Variants in ZNF585A observed in about 807,000 individuals in gnomAD.
ZNF585A encodes the protein zinc finger protein 585A.
In ZNF585A, 9 loss-of-function variants were observed where a neutral mutation model predicts 14.9. The observed-to-expected ratio is 0.60, with a 90% CI of 0.36 to 1.05. ZNF585A has a LOEUF of 1.05. Ranked by LOEUF, ZNF585A falls within the 50% of genes least tolerant of loss-of-function variation. ZNF585A has a pLI of 0.01. For synonymous variants in ZNF585A, 276 were observed against 319.9 expected (o/e 0.86, Z 1.46); for missense variants, 726 against 926.4 (o/e 0.78, Z 2.81).
chr19:37,169,824 A>T lies in ZNF585A; in HGVS notation c.72+15T>A. ...TGGATTGAATTCCCACCCCCCTGGGACTCCTCCTTCTCACCTCATAGGAGC... is the reference window on the plus strand; with the variant it reads ...TGGATTGAATTCCCACCCCCCTGGGTCTCCTCCTTCTCACCTCATAGGAGC... On this transcript the variant is annotated intron_variant, in intron 2 of 4. Transcript: ENST00000292841. 2 of 1,610,106 alleles carry T rather than the reference A, an allele frequency of 1.2e-6. No individual in the cohort carries two copies. The highest frequency in any genetic ancestry group is 1.7e-6 in the Non-Finnish European group (2 of 1,179,894).
chr19:37,151,580 C>T lies in ZNF585A; in HGVS notation c.*9G>A. On this transcript the variant is annotated 3_prime_UTR_variant, in exon 5 of 5. Coordinates refer to ENST00000292841, the MANE Select transcript of ZNF585A (RefSeq NM_001288800.2). ...CAACCCTCAGGGGGGTTTTCTCACA[C>T]TGTTTCTCTCAAGCGTGGCTGCTCT... 6.2e-7 allele frequency: 1 copy of T among 1,603,664 alleles called. No individual in the cohort carries two copies. Among genetic ancestry groups the T allele is most frequent in the African/African-American group, 1.3e-5 (1 of 74,898 alleles).
intron 2 of ZNF585A, among the ~76,000 whole-genome samples, chr19:37,157,651 G>A (rs1971951626): frequency 6.6e-6 from 1 of 152,018 alleles, no homozygotes; most frequent in Admixed American, 6.6e-5. Context: ...GAAAAGACAA[G>A]AATAAAAGGT....
chr19:37,146,884 T>C lies in ZNF585A; in HGVS notation c.*4705A>G, dbSNP rs2145389605. On this transcript the variant is annotated 3_prime_UTR_variant, in exon 5 of 5. Coordinates refer to ENST00000292841, the MANE Select transcript of ZNF585A (RefSeq NM_001288800.2). ...AGTTAGAGCTGGGTGTGCTGGACCA[T>C]GGTGGGAGGAGGCATTAAATCTTGA... The C allele has an allele frequency of 6.5e-6, 1 of 152,830 alleles. No homozygotes were observed. Among genetic ancestry groups the C allele is most frequent in the South Asian group, 2.1e-4 (1 of 4,838 alleles). The allele number at this position is 152,830 out of a possible 1,614,324, so 9.5% of individuals were successfully genotyped here.
In ZNF585A at chr19:37,151,715, A is replaced by C. The variant is rs1278459299; in HGVS notation, c.2184T>G (p.Thr728=). 1.2e-6 allele frequency: 2 copies of C among 1,613,804 alleles called. No homozygotes were observed. Among genetic ancestry groups the C allele is most frequent in the Non-Finnish European group, 1.7e-6 (2 of 1,179,820 alleles). ...GATGTTTATTCAAATTGGACCTGTCAGTAAAGGCCTTCCCACACTCAGCAC... is the reference window on the plus strand; with the variant it reads ...GATGTTTATTCAAATTGGACCTGTCCGTAAAGGCCTTCCCACACTCAGCAC... ...YVCAECGKAF[T]DRSNLNKHQT... is the part of the protein sequence containing the mutation. The change falls in exon 5 of 5, where the codon ACT becomes ACG. Residue 728 remains threonine (T), a synonymous_variant. Coordinates refer to ENST00000292841, the MANE Select transcript of ZNF585A (RefSeq NM_001288800.2).
At chr19:37,170,321 C>G (rs1013643799) in intron 1 of ZNF585A, among the ~76,000 whole-genome samples, 3 of 152,196 alleles carry the variant, frequency 2.0e-5, no homozygotes, top group Admixed American at 6.5e-5. Context: ...GCTGTCAGTA[C>G]AGGGACCACA....
intron 2 of ZNF585A, among the ~76,000 whole-genome samples, chr19:37,169,265 A>G (rs1972143686): frequency 6.6e-6 from 1 of 152,138 alleles, no homozygotes; most frequent in Non-Finnish European, 1.5e-5. Context: ...AATAAATTAC[A>G]GTTATTAAAA....
Position 37,150,942 on chromosome 19 carries a change from TG to T in ZNF585A, c.*646del, listed in dbSNP as rs1356198526. 1 of 155,914 alleles carries T rather than the reference TG, an allele frequency of 6.4e-6. No homozygotes were observed. Among genetic ancestry groups the T allele is most frequent in the African/African-American group, 2.4e-5 (1 of 41,038 alleles). 9.7% of individuals were successfully genotyped at this position (155,914 alleles called of 1,614,324 possible). A position where few individuals can be genotyped will look rare whatever the true frequency, so the allele number is the denominator to read the frequency against. The stretch of plus-strand genomic sequence containing the variant: ...GCTGAGAGACAGTCATGGTAGATAA[TG>T]AGGGGGGTGCAAGTCTTGGTAGATG... On this transcript the variant is annotated 3_prime_UTR_variant, in exon 5 of 5. Transcript: ENST00000292841.
intron 4 of ZNF585A, among the ~76,000 whole-genome samples, chr19:37,155,520 TG>T (rs1231031692): frequency 3.3e-5 from 5 of 151,874 alleles, no homozygotes; most frequent in Admixed American, 6.6e-5. Context: ...GCATGGTGGC[TG>T]GCAAACACCT....
At position 37,152,058 on chromosome 19, in the gene ZNF585A, G is replaced by C; in HGVS notation, c.1841C>G (p.Ser614Cys). The C allele has an allele frequency of 6.3e-7, 1 of 1,594,346 alleles. No homozygotes were observed. The highest frequency in any genetic ancestry group is 1.1e-5 in the South Asian group (1 of 89,396). Residue 614 changes from serine (S) to cysteine (C), a missense_variant, in exon 5 of 5, where the codon TCC (serine) becomes TGC (cysteine). Physicochemically the swap from Ser to Cys is moderately radical, Grantham distance 112. Transcript: ENST00000292841. ...CAGGAGCTGAGACTTGGAGGTAAAG[G>C]ACTTCCCACAGTCACTGCATTCATA... ...KPYECSDCGK[S>C]FTSKSQLLVH...
At chr19:37,164,920 G>T (rs920693279) in intron 2 of ZNF585A, among the ~76,000 whole-genome samples, 5 of 152,124 alleles carry the variant, frequency 3.3e-5, no homozygotes, top group African/African-American at 1.2e-4. Flanking sequence ...CAATCCTCCC[G>T]CCTCAGTCTC....
chr19:37,166,692 C>G (rs1972096491), intron 2 of ZNF585A, among the ~76,000 whole-genome samples: 1 of 144,954 alleles, frequency 6.9e-6, no homozygotes, highest in Admixed American at 6.7e-5. Context: ...TTTTGATTGT[C>G]AACACATCAA....
chr19:37,159,384 T>C (rs558102855), intron 2 of ZNF585A, among the ~76,000 whole-genome samples: 16 of 152,330 alleles, frequency 1.1e-4, no homozygotes, highest in African/African-American at 3.6e-4. Flanking sequence ...AAAATGCTTT[T>C]TGAAAACAAA....
At chr19:37,165,815 T>G (rs1187249872) in intron 2 of ZNF585A, 2 of 183,824 alleles carry the variant, frequency 1.1e-5, no homozygotes, top group Non-Finnish European at 1.0e-5. Context: ...TTCCATTATT[T>G]TTTACTGTGT....
intron 4 of ZNF585A, among the ~76,000 whole-genome samples, 165 bp downstream of exon 4, chr19:37,155,700 G>C (rs1182285328): frequency 6.6e-6 from 1 of 152,068 alleles, no homozygotes; most frequent in African/African-American, 2.4e-5. Context: ...CAGGGAGAAT[G>C]CATTTAGTGA....
chr19:37,153,556 G>GT lies in ZNF585A; in HGVS notation c.342dup (p.Gln115ThrfsTer17), dbSNP rs1971876121. 1 of 1,613,764 alleles carries GT rather than the reference G, an allele frequency of 6.2e-7. No individual in the cohort carries two copies. Among genetic ancestry groups the GT allele is most frequent in the Non-Finnish European group, 8.5e-7 (1 of 1,179,934 alleles). The stretch of plus-strand genomic sequence containing the variant: ...ATTTTTTGAGGTTGAGAGGATACTT[G>GT]TTTATAACTGAGGATTTTTCTACAT... On this transcript the variant is annotated frameshift_variant, in exon 5 of 5. Transcript: ENST00000292841. LOFTEE classifies it low-confidence loss of function (END_TRUNC).
chr19:37,169,024 A>G (rs1972140145), intron 2 of ZNF585A, among the ~76,000 whole-genome samples: 2 of 152,218 alleles, frequency 1.3e-5, no homozygotes, highest in African/African-American at 4.8e-5. Flanking sequence ...TTTGTTTCCT[A>G]TAACACTTTT....
rs1038304639 is a variant in ZNF585A, at chr19:37,151,253, C to T, written c.*336G>A. ...GGCACTATACCTAATCCACAGTAAA[C>T]AGGATTATCGTTAACTTAATACGAT... is the stretch of plus-strand genomic sequence containing the variant. On this transcript the variant is annotated 3_prime_UTR_variant, in exon 5 of 5. Coordinates refer to ENST00000292841, the MANE Select transcript of ZNF585A (RefSeq NM_001288800.2). 9 of 431,822 alleles carry T rather than the reference C, an allele frequency of 2.1e-5. No homozygotes were observed. The highest frequency in any genetic ancestry group is 3.8e-5 in the Admixed American group (1 of 26,240). The allele number at this position is 431,822 out of a possible 1,614,324, so 26.7% of individuals were successfully genotyped here.
At position 37,151,064 on chromosome 19, in the gene ZNF585A, C is replaced by A; in HGVS notation, c.*525G>T. On this transcript the variant is annotated 3_prime_UTR_variant, in exon 5 of 5. Transcript: ENST00000292841. ...TAGCATCTCTTTCTTGATAGAAATA[C>A]TGAATGAGGGTTGGATATGACCAAC... 3.5e-6 allele frequency: 1 copy of A among 287,550 alleles called. No individual in the cohort carries two copies. Among genetic ancestry groups the A allele is most frequent in the Non-Finnish European group, 6.4e-6 (1 of 156,628 alleles). The allele number at this position is 287,550 out of a possible 1,614,324, so 17.8% of individuals were successfully genotyped here.
At chr19:37,158,854 C>T (rs562187512) in intron 2 of ZNF585A, among the ~76,000 whole-genome samples, 9 of 152,202 alleles carry the variant, frequency 5.9e-5, no homozygotes, top group East Asian at 5.8e-4. Flanking sequence ...CATATCTCTC[C>T]GAGATACATA....
Sources: gnomAD v4.1 joint callset for allele counts (sites outside exome capture counted in the v4.1 genomes callset) on GRCh38, gnomAD v4.1.1 for gene constraint, MANE v1.5 for transcripts, NCBI Gene and HGNC (gene_info 2026-07-23, HGNC 2026-07-21) for gene names.